The following BIRC6 variants were observed in gnomAD, a reference collection of about 807,000 sequenced individuals.
BIRC6 encodes dual E2 ubiquitin-conjugating enzyme/E3 ubiquitin-protein ligase BIRC6.
A neutral mutation model predicts 503.3 loss-of-function variants in BIRC6; 98 were observed. The ratio of observed to expected loss-of-function variants is 0.19; its 90% CI spans 0.17 to 0.23. The LOEUF (loss-of-function observed/expected upper bound fraction) is 0.23, where lower values mean the gene tolerates loss of function less well. BIRC6 is among the 10% of genes least tolerant of loss of function. BIRC6 has a pLI of 1.00. For synonymous variants in BIRC6, 2,240 were observed against 2,078.7 expected, an observed-to-expected ratio of 1.08 and a Z score of -2.11; for missense variants, 5,360 against 5,806.0, an observed-to-expected ratio of 0.92 and a Z score of 2.50.
Position 32,377,604 on chromosome 2 carries a change from G to A in BIRC6, c.342G>A (p.Gln114=). ...ASALSAKPGG[Q]VKCQYISAVD... is the part of the protein sequence containing the mutation. ...TTTTAACAGCTAAACCAGGTGGACA[G>A]GTGAAATGTCAGTATATCTCTGCTG... is the stretch of plus-strand genomic sequence containing the variant. Residue 114 remains glutamine (Q), a synonymous_variant, in exon 2 of 74, where the codon CAG becomes CAA. Coordinates refer to ENST00000421745, the MANE Select transcript of BIRC6 (RefSeq NM_016252.4). 6.2e-7 allele frequency: 1 copy of A among 1,608,212 alleles called. No individual in the cohort carries two copies. Among genetic ancestry groups the A allele is most frequent in the Non-Finnish European group, 8.5e-7 (1 of 1,177,968 alleles).
rs778298887 is a variant in BIRC6 at position 32,500,092 on chromosome 2, C to T, written c.9014C>T (p.Ala3005Val). ...GCTCTGGGCCTGTGTAATAGCAGTG[C>T]CATGGCAATGATAATTGGTATGTAT... ...LSALGLCNSS[A>V]MAMIIGASGL... Residue 3005 changes from alanine (A) to valine (V), a missense_variant, in exon 46 of 74, where the codon GCC (alanine) becomes GTC (valine). Physicochemically the swap from Ala to Val is moderately conservative, Grantham distance 64. Around this residue, in one of 16 missense-constraint regions of BIRC6, gnomAD observed 3 missense variants for 17.6 expected, o/e 0.17. Coordinates refer to ENST00000421745, the MANE Select transcript of BIRC6 (RefSeq NM_016252.4). The T allele has an allele frequency of 2.5e-6, 4 of 1,609,124 alleles. No homozygotes were observed. Among genetic ancestry groups the T allele is most frequent in the Non-Finnish European group, 3.4e-6 (4 of 1,177,280 alleles).
intron 60 of BIRC6, among the ~76,000 whole-genome samples, chr2:32,531,036 C>G (rs1001068084): frequency 1.3e-5 from 2 of 152,200 alleles, no homozygotes; most frequent in Non-Finnish European, 2.9e-5. Flanking sequence ...CAGTGCTTCT[C>G]AAACTTCAGT....
At chr2:32,451,467 G>T (rs954284003) in intron 22 of BIRC6, among the ~76,000 whole-genome samples, 1 of 152,104 alleles carries the variant, frequency 6.6e-6, no homozygotes, top group African/African-American at 2.4e-5. Flanking sequence ...GAAAAAGCAT[G>T]GTGTTATTCA....
chr2:32,605,447 G>A (rs1047884791), intron 71 of BIRC6, among the ~76,000 whole-genome samples: 1 of 152,080 alleles, frequency 6.6e-6, no homozygotes, highest in African/African-American at 2.4e-5. Flanking sequence ...TTCTTTCTGT[G>A]CTTTTGTACA....
chr2:32,413,040 C>G (rs2042058554), intron 9 of BIRC6, among the ~76,000 whole-genome samples: 1 of 150,436 alleles, frequency 6.6e-6, no homozygotes, highest in Admixed American at 6.6e-5. Flanking sequence ...CAGTCTCACT[C>G]TTGTTGCCCA....
intron 23 of BIRC6, among the ~76,000 whole-genome samples, chr2:32,461,360 G>T (rs1355179423): frequency 6.7e-6 from 1 of 149,574 alleles, no homozygotes; most frequent in Admixed American, 6.7e-5. Context: ...GTGTGTGTGT[G>T]TGTGTGTGTG....
intron 55 of BIRC6, among the ~76,000 whole-genome samples, chr2:32,516,105 G>A (rs1005767648): frequency 1.3e-5 from 2 of 152,218 alleles, no homozygotes; most frequent in Non-Finnish European, 2.9e-5. Context: ...TACTGTATGT[G>A]CCTTGAGGCA....
chr2:32,542,926 A>G (rs2057779925), intron 61 of BIRC6, among the ~76,000 whole-genome samples: 1 of 152,162 alleles, frequency 6.6e-6, no homozygotes, highest in African/African-American at 2.4e-5. Context: ...CAGCCTCCTG[A>G]GTAGCTGGGA....
intron 23 of BIRC6, among the ~76,000 whole-genome samples, chr2:32,456,110 G>A (rs965602414): frequency 2.0e-5 from 3 of 152,136 alleles, no homozygotes; most frequent in Admixed American, 6.6e-5. Flanking sequence ...AGGTGTCTTC[G>A]TGACCACTTC....
In BIRC6 at chr2:32,491,494, T is replaced by C. The variant is rs1343426026; in HGVS notation, c.8276T>C (p.Ile2759Thr). 6.2e-7 allele frequency: 1 copy of C among 1,613,436 alleles called. No homozygotes were observed. The highest frequency in any genetic ancestry group is 1.3e-5 in the African/African-American group (1 of 74,924). Residue 2759 changes from isoleucine (I) to threonine (T), a missense_variant, in exon 44 of 74, where the codon ATT becomes ACT. By Grantham distance (89) the Ile-to-Thr change is moderately conservative. Transcript: ENST00000421745. ...AHLLVSDPNLIHVLVKFLSGT... is the reference protein window; with the variant it reads ...AHLLVSDPNLTHVLVKFLSGT... ...TTGTTGGTTTCAGATCCAAACCTAA[T>C]TCATGTATTAGTGAAATTTCTTTCT... is the stretch of plus-strand genomic sequence containing the variant.
chr2:32,519,982 G>A (rs2055474043), intron 57 of BIRC6, among the ~76,000 whole-genome samples: 1 of 152,186 alleles, frequency 6.6e-6, no homozygotes, highest in Non-Finnish European at 1.5e-5. Context: ...GTGATCTTAT[G>A]TCTGTTGTCA....
chr2:32,559,721 A>T (rs575216794), intron 65 of BIRC6, among the ~76,000 whole-genome samples: 88 of 135,432 alleles, frequency 6.5e-4, no homozygotes, highest in Middle Eastern at 4.3e-3. Flanking sequence ...CAAAATCTTT[A>T]AAAAAAAAAA....
At chr2:32,613,246 A>G (rs974842168) in intron 73 of BIRC6, among the ~76,000 whole-genome samples, 2 of 151,896 alleles carry the variant, frequency 1.3e-5, no homozygotes, top group African/African-American at 4.8e-5. Flanking sequence ...CCACTCAGGC[A>G]TGATCTTGGC....
At chr2:32,388,375 C>T (rs1276880227) in intron 3 of BIRC6, among the ~76,000 whole-genome samples, 6 of 142,218 alleles carry the variant, frequency 4.2e-5, no homozygotes, top group East Asian at 2.0e-4. Flanking sequence ...AGTAAGACTC[C>T]GTCTCAAAAA....
chr2:32,464,754 A>G lies in BIRC6; in HGVS notation c.5187A>G (p.Pro1729=). ...ATGCCGAACTTGCACAGCTTTTCCC[A>G]GGCTCAGTCATTGATCCCCCAGCAG... ...VINAELAQLF[P]GSVIDPPAVN... The change falls in exon 25 of 74, where the codon CCA becomes CCG. Residue 1729 remains proline (P), a synonymous_variant. Coordinates refer to ENST00000421745, the MANE Select transcript of BIRC6 (RefSeq NM_016252.4). 1 of 1,614,030 alleles carries G rather than the reference A, an allele frequency of 6.2e-7. No homozygotes were observed. Among genetic ancestry groups the G allele is most frequent in the South Asian group, 1.1e-5 (1 of 91,090 alleles).
chr2:32,568,742 G>A (rs2059710316), intron 65 of BIRC6, among the ~76,000 whole-genome samples: 1 of 151,710 alleles, frequency 6.6e-6, no homozygotes, highest in African/African-American at 2.4e-5. Context: ...CACTTGGGAG[G>A]CTGAAGCAGG....
At chr2:32,493,277 A>G (rs1486208995) in intron 44 of BIRC6, among the ~76,000 whole-genome samples, 1 of 152,098 alleles carries the variant, frequency 6.6e-6, no homozygotes, top group Non-Finnish European at 1.5e-5. Context: ...AACTTTTTTT[A>G]GTATTGAGTT....
chr2:32,557,689 C>G (rs532590666), intron 65 of BIRC6: 2 of 152,324 alleles, frequency 1.3e-5, no homozygotes, highest in African/African-American at 2.4e-5. Flanking sequence ...AATGCAGTCC[C>G]TTGAACGAGA....
intron 11 of BIRC6, 28 bp downstream of exon 11, chr2:32,429,323 TA>T (rs1431479670): frequency 2.8e-6 from 4 of 1,427,624 alleles, no homozygotes; most frequent in Non-Finnish European, 2.8e-6. Context: ...TAAATGATTT[TA>T]AAAAAAGAAT....
Sources: gnomAD v4.1 joint callset for allele counts (sites outside exome capture counted in the v4.1 genomes callset) on GRCh38, gnomAD v4.1.1 for gene constraint, gnomAD v4.1.1 regional missense constraint, MANE v1.5 for transcripts, NCBI Gene and HGNC (gene_info 2026-07-23, HGNC 2026-07-21) for gene names.